PMS1: variants seen among roughly 807,000 people sequenced by gnomAD.
PMS1 encodes the protein PMS1 protein homolog 1.
In PMS1, 79 loss-of-function variants were observed where a neutral mutation model predicts 93.1. That is an observed-to-expected ratio of 0.85 (90% CI 0.71 to 1.02). The LOEUF (loss-of-function observed/expected upper bound fraction) is 1.02, where lower values mean the gene tolerates loss of function less well. Ranked by LOEUF, PMS1 falls within the 50% of genes least tolerant of loss-of-function variation. PMS1 has a pLI of 0.00. For missense variants in PMS1, 1,064 were observed against 1,085.3 expected (o/e 0.98, Z 0.28); for synonymous variants, 335 against 363.4 (o/e 0.92, Z 0.89).
intron 5 of PMS1, among the ~76,000 whole-genome samples, chr2:189,823,413 C>A (rs1387348903): frequency 2.0e-5 from 3 of 151,868 alleles, no homozygotes; most frequent in African/African-American, 4.8e-5. Flanking sequence ...CTAATGCTAT[C>A]CCTCCCCCTT....
chr2:189,785,670 G>C (rs1031925229), intron 1 of PMS1, among the ~76,000 whole-genome samples: 1 of 152,158 alleles, frequency 6.6e-6, no homozygotes, highest in African/African-American at 2.4e-5. Flanking sequence ...GGGGACTGCA[G>C]GGGAAGGAAT....
chr2:189,845,924 A>G (rs1476821923), intron 6 of PMS1, among the ~76,000 whole-genome samples: 1 of 151,896 alleles, frequency 6.6e-6, no homozygotes, highest in African/African-American at 2.4e-5. Context: ...GGGTCTTACC[A>G]TGTTGGCCGG....
intron 3 of PMS1, among the ~76,000 whole-genome samples, chr2:189,805,364 A>G (rs992168513): frequency 1.3e-5 from 2 of 152,210 alleles, no homozygotes; most frequent in Non-Finnish European, 2.9e-5. Flanking sequence ...CATAAGTCAT[A>G]TAATGCATAT....
intron 9 of PMS1, 147 bp downstream of exon 9, chr2:189,855,275 G>T: frequency 1.5e-6 from 1 of 650,060 alleles, no homozygotes; most frequent in Non-Finnish European, 2.6e-6. Context: ...ACCTTTTTTG[G>T]TAACACTTTT....
At chr2:189,848,584 T>A (rs1314859274) in intron 6 of PMS1, among the ~76,000 whole-genome samples, 4 of 152,232 alleles carry the variant, frequency 2.6e-5, no homozygotes, top group African/African-American at 9.6e-5. Flanking sequence ...AGAGTCCTAG[T>A]AATCCATCAT....
chr2:189,822,368 A>G (rs541074797), intron 5 of PMS1, among the ~76,000 whole-genome samples: 4 of 152,152 alleles, frequency 2.6e-5, no homozygotes, highest in East Asian at 1.9e-4. Flanking sequence ...ATACAGCTAC[A>G]TTTTCTCCAG....
At chr2:189,862,874 C>T (rs573280149) in intron 9 of PMS1, among the ~76,000 whole-genome samples, 5 of 152,308 alleles carry the variant, frequency 3.3e-5, no homozygotes, top group African/African-American at 1.2e-4. Flanking sequence ...CAGCTGAAAT[C>T]TCTGTTCAGC....
At position 189,818,199 on chromosome 2, in the gene PMS1, T is replaced by G. The variant is rs775915782; in HGVS notation, c.582+19T>G. 1 of 1,500,108 alleles carries G rather than the reference T, an allele frequency of 6.7e-7. No individual in the cohort carries two copies. Among genetic ancestry groups the G allele is most frequent in the African/African-American group, 1.4e-5 (1 of 72,442 alleles). 92.9% of individuals were successfully genotyped at this position (1,500,108 alleles called of 1,614,324 possible). A position where few individuals can be genotyped will look rare whatever the true frequency, so the allele number is the denominator to read the frequency against. ...TAACAAGGTAAACATTATTTTATCTTTATAAGTTTCTGGGTATATGATATA... is the reference window on the plus strand; with the variant it reads ...TAACAAGGTAAACATTATTTTATCTGTATAAGTTTCTGGGTATATGATATA... On this transcript the variant is annotated intron_variant, in intron 5 of 12. Coordinates refer to ENST00000441310, the MANE Select transcript of PMS1 (RefSeq NM_000534.5).
intron 5 of PMS1, among the ~76,000 whole-genome samples, chr2:189,831,960 A>T (rs1227693357): frequency 2.0e-5 from 3 of 152,020 alleles, no homozygotes; most frequent in Non-Finnish European, 4.4e-5. Flanking sequence ...CAAACTCCTG[A>T]CCGCAAATGA....
chr2:189,809,447 C>CTTTT lies in PMS1; in HGVS notation c.418+3717_418+3720dup, dbSNP rs972672920. 1.2e-3 allele frequency among the ~76,000 whole-genome samples: 79 copies of CTTTT among 63,440 alleles called. 4 individuals are homozygous for CTTTT. Among genetic ancestry groups the CTTTT allele is most frequent in the African/African-American group, 2.7e-3 (48 of 18,106 alleles). The allele number at this position is 63,440 out of a possible 152,430, so 41.6% of individuals were successfully genotyped here. A position where few individuals can be genotyped will look rare whatever the true frequency, so the allele number is the denominator to read the frequency against. ...TTGGTGCTTTTAAGGAAGCACATTT[C>CTTTT]TTTTTTTTTTTTTTTTTTTTTTTTT... On this transcript the variant is annotated intron_variant, in intron 4 of 12. Coordinates refer to ENST00000441310, the MANE Select transcript of PMS1 (RefSeq NM_000534.5).
chr2:189,844,034 T>C lies in PMS1; in HGVS notation c.653T>C (p.Val218Ala), dbSNP rs2054033885. ...CTCATGTCAGTTCTGGGGACTGCTG[T>C]TATGAACAATATGGAATCCTTTCAG... ...MALMSVLGTAVMNNMESFQYH... is the reference protein window; with the variant it reads ...MALMSVLGTAAMNNMESFQYH... Residue 218 changes from valine (V) to alanine (A), a missense_variant, in exon 6 of 13, where the codon GTT (valine) becomes GCT (alanine). Physicochemically the swap from Val to Ala is moderately conservative, Grantham distance 64 (BLOSUM62 0). Transcript: ENST00000441310. 6.2e-7 allele frequency: 1 copy of C among 1,613,892 alleles called. No homozygotes were observed. Among genetic ancestry groups the C allele is most frequent in the African/African-American group, 1.3e-5 (1 of 74,932 alleles).
At chr2:189,875,871 T>C (rs1055070408) in intron 12 of PMS1, among the ~76,000 whole-genome samples, 3 of 147,568 alleles carry the variant, frequency 2.0e-5, no homozygotes, top group Admixed American at 7.0e-5. Context: ...GCAGGAGAAC[T>C]GCTTGAACCC....
intron 10 of PMS1, 39 bp downstream of exon 10, chr2:189,864,267 A>G (rs2056342131): frequency 1.5e-6 from 2 of 1,338,386 alleles, no homozygotes; most frequent in Non-Finnish European, 2.1e-6. Context: ...AAAAATATTT[A>G]TTATAATAGT....
chr2:189,864,534 T>A (rs901759466), intron 10 of PMS1, among the ~76,000 whole-genome samples: 1 of 147,730 alleles, frequency 6.8e-6, no homozygotes, highest in Non-Finnish European at 1.5e-5. Context: ...CACGCACCTG[T>A]AGTCCCAGCT....
chr2:189,812,139 A>T (rs907538784), intron 4 of PMS1, among the ~76,000 whole-genome samples: 6 of 152,156 alleles, frequency 3.9e-5, no homozygotes, highest in African/African-American at 1.4e-4. Flanking sequence ...TGTTTCTACT[A>T]AAAATACGAA....
At chr2:189,803,644 CA>C (rs5743005) in intron 3 of PMS1, among the ~76,000 whole-genome samples, 1 of 151,674 alleles carries the variant, frequency 6.6e-6, no homozygotes, top group Non-Finnish European at 1.5e-5. Context: ...GTGCCCGGTC[CA>C]AAAAAAAGTT....
At chr2:189,822,815 A>G (rs1248008462) in intron 5 of PMS1, among the ~76,000 whole-genome samples, 8 of 152,232 alleles carry the variant, frequency 5.3e-5, no homozygotes, top group African/African-American at 1.9e-4. Flanking sequence ...CTGTATCTGA[A>G]GAAAACTACA....
At chr2:189,855,894 A>G (rs982954021) in intron 9 of PMS1, 1 of 1,085,818 alleles carries the variant, frequency 9.2e-7, no homozygotes, top group Non-Finnish European at 1.2e-6. Context: ...TGAGAGTGAA[A>G]TTATACCTCC....
At position 189,843,989 on chromosome 2, in the gene PMS1, T is replaced by C. The variant is rs754586112; in HGVS notation, c.608T>C (p.Val203Ala). Residue 203 changes from valine to alanine, a missense_variant, in exon 6 of 13, where the codon GTA becomes GCA. Coordinates refer to ENST00000441310, the MANE Select transcript of PMS1 (RefSeq NM_000534.5). Reference sequence around the variant, plus strand: ...GCAGTTATTTGGCAGAAAAGCAGAGTATCAGATCACAAGATGGCTCTCATG... The same window carrying C: ...GCAGTTATTTGGCAGAAAAGCAGAGCATCAGATCACAAGATGGCTCTCATG... ...NKAVIWQKSR[V>A]SDHKMALMSV... is the part of the protein sequence containing the mutation. 2.5e-6 allele frequency: 4 copies of C among 1,613,854 alleles called. No homozygotes were observed. The African/African-American group carries it at 5.3e-5, about 22-fold the overall frequency.
Sources: allele counts gnomAD v4.1 joint callset (sites outside exome capture counted in the v4.1 genomes callset), GRCh38; gene constraint gnomAD v4.1.1; transcripts MANE v1.5; gene names NCBI Gene and HGNC (gene_info 2026-07-23, HGNC 2026-07-21).